NTM: variants seen among roughly 807,000 people sequenced by gnomAD.
NTM encodes neurotrimin.
NTM carries 13 observed loss-of-function variants against 42.1 expected under a neutral mutation model. That is an observed-to-expected ratio of 0.31 (90% confidence interval 0.20 to 0.49). The LOEUF (loss-of-function observed/expected upper bound fraction) is 0.49, where lower values mean the gene tolerates loss of function less well. Among genes scored for constraint, NTM ranks in the 20% least tolerant of loss-of-function variants. The probability of loss-of-function intolerance (pLI) is 0.99; values close to 1 mark genes in which losing one functional copy is unlikely to be tolerated. For synonymous variants in NTM, 187 were observed against 179.2 expected (o/e 1.04, Z -0.35); for missense variants, 373 against 452.8 (o/e 0.82, Z 1.60).
At chr11:131,583,984 G>T (rs954614914) in intron 1 of NTM, among the ~76,000 whole-genome samples, 1 of 152,190 alleles carries the variant, frequency 6.6e-6, no homozygotes, top group African/African-American at 2.4e-5. Flanking sequence ...TGTCTAACAA[G>T]ATGGGAACTG....
chr11:132,008,516 A>G (rs1422711461), intron 2 of NTM, among the ~76,000 whole-genome samples: 1 of 151,940 alleles, frequency 6.6e-6, no homozygotes, highest in Non-Finnish European at 1.5e-5. Context: ...ACAGGTTTTT[A>G]TAGATATTTG....
At chr11:132,090,352 G>T (rs2136395959) in intron 2 of NTM, among the ~76,000 whole-genome samples, 1 of 152,250 alleles carries the variant, frequency 6.6e-6, no homozygotes, top group Admixed American at 6.5e-5. Context: ...GGGACACAGA[G>T]AAAGTTTCTC....
intron 2 of NTM, among the ~76,000 whole-genome samples, chr11:131,946,774 TC>T (rs1471425900): frequency 6.6e-6 from 1 of 152,252 alleles, no homozygotes; most frequent in African/African-American, 2.4e-5. Flanking sequence ...TAACCTTGTT[TC>T]TTTTACCTAG....
At chr11:131,374,524 T>G (rs1941702064) in intron 1 of NTM, among the ~76,000 whole-genome samples, 1 of 152,190 alleles carries the variant, frequency 6.6e-6, no homozygotes, top group Admixed American at 6.5e-5. Flanking sequence ...ACTTCTGTTC[T>G]TTCTCAGTAA....
chr11:132,073,661 C>A (rs1772275435), intron 2 of NTM, among the ~76,000 whole-genome samples: 2 of 152,180 alleles, frequency 1.3e-5, no homozygotes, highest in Admixed American at 6.5e-5. Context: ...TGGTCAATTT[C>A]ATTTTGAAAT....
chr11:131,449,425 G>T (rs1950313862), intron 1 of NTM, among the ~76,000 whole-genome samples: 1 of 152,212 alleles, frequency 6.6e-6, no homozygotes, highest in Admixed American at 6.5e-5. Flanking sequence ...CAGATAAGGA[G>T]CAGAGGTCCA....
intron 1 of NTM, among the ~76,000 whole-genome samples, chr11:131,508,965 A>G (rs4345974): frequency 0.39 from 58,359 of 147,884 alleles, 11,742 homozygotes; most frequent in Middle Eastern, 0.47. Context: ...CAGCGCACCA[A>G]CATGGCACAT....
chr11:131,934,373 A>G lies in NTM; in HGVS notation c.167+22725A>G, dbSNP rs550139234. 2.0e-5 allele frequency among the ~76,000 whole-genome samples: 3 copies of G among 152,338 alleles called. No homozygotes were observed. In the East Asian group the frequency reaches 5.8e-4, roughly 29 times the overall value. ...CTTAGCTTCAGAGGCAGAATAGTAG[A>G]AGTAATTAATAGGAACTACCTTGTT... On this transcript the variant is annotated intron_variant, in intron 2 of 8. Coordinates refer to ENST00000683400, the MANE Select transcript of NTM (RefSeq NM_001352005.2).
intron 1 of NTM, among the ~76,000 whole-genome samples, chr11:131,874,512 T>A (rs1399846212): frequency 6.6e-6 from 1 of 152,216 alleles, no homozygotes; most frequent in Non-Finnish European, 1.5e-5. Flanking sequence ...ATATTTCAAT[T>A]GACTAAGTTT....
intron 2 of NTM, among the ~76,000 whole-genome samples, chr11:132,104,978 TATATA>T: frequency 8.3e-6 from 1 of 120,368 alleles, no homozygotes; most frequent in African/African-American, 3.4e-5. Flanking sequence ...TATATATATA[TATATA>T]TATATATATT....
chr11:131,650,697 T>C (rs2066370652), intron 1 of NTM, among the ~76,000 whole-genome samples: 1 of 152,180 alleles, frequency 6.6e-6, no homozygotes, highest in Admixed American at 6.5e-5. Flanking sequence ...AGTAATTTAC[T>C]ATTTCCCATT....
chr11:131,471,825 C>A (rs982697405), intron 1 of NTM, among the ~76,000 whole-genome samples: 1 of 152,186 alleles, frequency 6.6e-6, no homozygotes, highest in Non-Finnish European at 1.5e-5. Context: ...GGGATTTACT[C>A]CGATCACCAG....
chr11:131,756,902 G>A (rs1056193320), intron 1 of NTM, among the ~76,000 whole-genome samples: 3 of 152,106 alleles, frequency 2.0e-5, no homozygotes, highest in Non-Finnish European at 2.9e-5. Flanking sequence ...GTTGACCTCC[G>A]AGGAAGATCA....
chr11:131,795,677 G>A (rs1047985986), intron 1 of NTM: 4 of 985,414 alleles, frequency 4.1e-6, no homozygotes, highest in East Asian at 1.1e-4. Context: ...AGTTCAGGGC[G>A]AACAGCAGAT....
chr11:131,774,225 T>C (rs922761755), intron 1 of NTM: 2 of 542,084 alleles, frequency 3.7e-6, no homozygotes, highest in African/African-American at 4.1e-5. Context: ...CAGGCACTGA[T>C]TTTTGCCCCT....
chr11:132,259,480 G>C (rs1250435574), intron 4 of NTM, among the ~76,000 whole-genome samples: 2 of 151,928 alleles, frequency 1.3e-5, no homozygotes, highest in African/African-American at 4.8e-5. Context: ...AGGAGTTTGA[G>C]ACCAGCCCGA....
intron 1 of NTM, among the ~76,000 whole-genome samples, chr11:131,501,085 T>A (rs1267269513): frequency 6.6e-6 from 1 of 151,868 alleles, no homozygotes; most frequent in Non-Finnish European, 1.5e-5. Context: ...CAATCCAAAT[T>A]CAGATGGTCT....
At chr11:131,647,550 C>T (rs148040200) in intron 1 of NTM, among the ~76,000 whole-genome samples, 295 of 152,250 alleles carry the variant, frequency 1.9e-3, no homozygotes, top group African/African-American at 6.6e-3. Context: ...AGCTGCACAG[C>T]CTGCCAGGTA....
At chr11:132,175,410 A>T (rs1211945913) in intron 3 of NTM, among the ~76,000 whole-genome samples, 1 of 152,162 alleles carries the variant, frequency 6.6e-6, no homozygotes, top group African/African-American at 2.4e-5. Context: ...GTAAACCCAA[A>T]CAAGTTTGTG....
Sources: gnomAD v4.1 joint callset for allele counts (sites outside exome capture counted in the v4.1 genomes callset) on GRCh38, gnomAD v4.1.1 for gene constraint, MANE v1.5 for transcripts, NCBI Gene and HGNC (gene_info 2026-07-23, HGNC 2026-07-21) for gene names.